Variants in MTMR9 observed in about 807,000 individuals in gnomAD.
The protein encoded by MTMR9 is myotubularin-related protein 9.
In MTMR9, 39 loss-of-function variants were observed where a neutral mutation model predicts 69.5. The ratio of observed to expected loss-of-function variants is 0.56; its 90% CI spans 0.43 to 0.73. The LOEUF (loss-of-function observed/expected upper bound fraction) is 0.73, where lower values mean the gene tolerates loss of function less well. Among genes scored for constraint, MTMR9 ranks in the 30% least tolerant of loss-of-function variants. MTMR9 has a pLI of 0.00. For synonymous variants in MTMR9, 354 were observed against 240.8 expected (o/e 1.47, Z -4.35); for missense variants, 900 against 671.2 (o/e 1.34, Z -3.77).
chr8:11,295,705 C>T (rs941262015), intron 2 of MTMR9, among the ~76,000 whole-genome samples: 3 of 152,202 alleles, frequency 2.0e-5, no homozygotes, highest in African/African-American at 7.2e-5. Context: ...ATTTTATGTT[C>T]ACTATACAAA....
In MTMR9 at chr8:11,307,786, C is replaced by A. The variant is rs139169123; in HGVS notation, c.809+1379C>A. On this transcript the variant is annotated intron_variant, in intron 5 of 9. Coordinates refer to ENST00000221086, the MANE Select transcript of MTMR9 (RefSeq NM_015458.4). The stretch of plus-strand genomic sequence containing the variant: ...CTCATTGTGGTTTTGAATTTCATTT[C>A]TCTGTTGATGAGTGATGCAGAGCAT... Among the ~76,000 whole-genome samples the A allele has an allele frequency of 3.9e-3, 591 of 152,156 alleles. 5 individuals carry two copies. The highest frequency in any genetic ancestry group is 0.013 in the African/African-American group (555 of 41,510).
Position 11,309,583 on chromosome 8 carries a change from C to G in MTMR9, c.866C>G (p.Thr289Arg), listed in dbSNP as rs749025752. ...CTTGTGGAAGCTTGTAATGACCAAA[C>G]ACATAACATGGACCGATGGCTCAGT... ...IKLVEACNDQ[T>R]HNMDRWLSKL... The change falls in exon 6 of 10, where the codon ACA becomes AGA. Residue 289 changes from threonine to arginine, a missense_variant. Physicochemically the swap from Thr to Arg is moderately conservative, Grantham distance 71. Transcript: ENST00000221086. 3.1e-6 allele frequency: 5 copies of G among 1,613,876 alleles called. No individual in the cohort carries two copies. Among genetic ancestry groups the G allele is most frequent in the African/African-American group, 1.3e-5 (1 of 75,020 alleles).
chr8:11,306,312 C>T lies in MTMR9; in HGVS notation c.714C>T (p.Ser238=), dbSNP rs1434151799. The change falls in exon 5 of 10, where the codon TCC becomes TCT. Residue 238 remains serine, a synonymous_variant. Coordinates refer to ENST00000221086, the MANE Select transcript of MTMR9 (RefSeq NM_015458.4). ...GTGGCTACATCATTGACACCCGATC[C>T]CTGAACGTGGCTCAGCAAACTAGAG... ...GKRGYIIDTR[S]LNVAQQTRAK... 3 of 1,614,066 alleles carry T rather than the reference C, an allele frequency of 1.9e-6. No individual in the cohort carries two copies. Among genetic ancestry groups the T allele is most frequent in the Non-Finnish European group, 2.5e-6 (3 of 1,179,964 alleles).
chr8:11,319,640 G>T (rs1314562923), intron 8 of MTMR9, 47 bp from the exon 9 acceptor site: 1 of 1,598,722 alleles, frequency 6.3e-7, no homozygotes, highest in Non-Finnish European at 8.6e-7. Flanking sequence ...CTCAATAATG[G>T]TTGTTATAAA....
At chr8:11,321,406 A>G (rs924266860) in intron 9 of MTMR9, 3 of 456,220 alleles carry the variant, frequency 6.6e-6, no homozygotes, top group African/African-American at 4.0e-5. Context: ...GTCACATTTA[A>G]TAACTGAAAT....
intron 1 of MTMR9, among the ~76,000 whole-genome samples, chr8:11,287,580 G>C (rs933775651): frequency 6.6e-6 from 1 of 150,676 alleles, no homozygotes; most frequent in Non-Finnish European, 1.5e-5. Context: ...TGAGCTGTGC[G>C]GCTGCAGTGG....
intron 5 of MTMR9, among the ~76,000 whole-genome samples, chr8:11,308,631 A>G (rs1407544409): frequency 6.6e-6 from 1 of 152,136 alleles, no homozygotes; most frequent in African/African-American, 2.4e-5. Context: ...CAATTTGTTA[A>G]TGTGTAATTG....
At chr8:11,331,912 G>A (rs574356744), downstream of MTMR9, 65 of 1,612,048 alleles carry the variant, frequency 4.0e-5, no homozygotes, top group South Asian at 6.6e-4. Flanking sequence ...TCCTTCACAT[G>A]TGTGGGCTAT....
Position 11,285,078 on chromosome 8 carries a change from C to A in MTMR9, c.182+8C>A. On this transcript the variant is annotated splice_region_variant and intron_variant, in intron 1 of 9. Transcript: ENST00000221086. ...CGACGCCATCGACAAGCGGTGAGTG[C>A]CCGCCCCACCCCAGCTCCGCAGGGA... 1 of 1,565,892 alleles carries A rather than the reference C, an allele frequency of 6.4e-7. No individual in the cohort carries two copies. The highest frequency in any genetic ancestry group is 8.7e-7 in the Non-Finnish European group (1 of 1,151,942).
In MTMR9 at chr8:11,320,988, G is replaced by A. The variant is rs148781820; in HGVS notation, c.1486+1150G>A. On this transcript the variant is annotated intron_variant, in intron 9 of 9. Transcript: ENST00000221086. ...TGTTATACTCTCAAAGGCAGTTCAC[G>A]TGTGGAAAACTATTTGCCCTTTGTG... The A allele has an allele frequency of 1.5e-3, 244 of 159,568 alleles. 4 individuals carry two copies. The highest frequency in any genetic ancestry group is 5.6e-4 in the South Asian group (3 of 5,404). 9.9% of individuals were successfully genotyped at this position (159,568 alleles called of 1,614,324 possible). A position where few individuals can be genotyped will look rare whatever the true frequency, so the allele number is the denominator to read the frequency against.
downstream of MTMR9, chr8:11,331,325 C>T (rs974900404): frequency 1.5e-5 from 25 of 1,613,978 alleles, no homozygotes; most frequent in Non-Finnish European, 1.9e-5. Flanking sequence ...TGGAGCTGCT[C>T]ATCTGTCGAT....
chr8:11,298,962 C>A, intron 2 of MTMR9: 2 of 724,278 alleles, frequency 2.8e-6, no homozygotes, highest in Non-Finnish European at 3.4e-6. Context: ...GATACATGAC[C>A]AAATGGCATA....
intron 4 of MTMR9, among the ~76,000 whole-genome samples, chr8:11,305,373 A>G (rs1435498367): frequency 6.6e-6 from 1 of 152,214 alleles, no homozygotes; most frequent in African/African-American, 2.4e-5. Flanking sequence ...AATTTTTCTT[A>G]ACAACTTTAC....
chr8:11,337,652 C>A, the MTMR9 span, among the ~76,000 whole-genome samples: 1 of 152,194 alleles, frequency 6.6e-6, no homozygotes, highest in African/African-American at 2.4e-5. Flanking sequence ...AGCCCTGGGG[C>A]AAAACTGTGA....
Position 11,306,361 on chromosome 8 carries a change from G to A in MTMR9, c.763G>A (p.Glu255Lys). The change falls in exon 5 of 10, where the codon GAA (glutamate) becomes AAA (lysine). Residue 255 changes from glutamate to lysine, a missense_variant. Transcript: ENST00000221086. ...TRAKGGGFEQEAHYPQWRRIH... is the reference protein window; with the variant it reads ...TRAKGGGFEQKAHYPQWRRIH... ...AGCCAAAGGAGGTGGCTTTGAACAAGAAGCTCATTATCCTCAGTGGAGGCG... is the reference window on the plus strand; with the variant it reads ...AGCCAAAGGAGGTGGCTTTGAACAAAAAGCTCATTATCCTCAGTGGAGGCG... 6.2e-7 allele frequency: 1 copy of A among 1,614,058 alleles called. No homozygotes were observed. Among genetic ancestry groups the A allele is most frequent in the African/African-American group, 1.3e-5 (1 of 75,044 alleles).
intron 1 of MTMR9, among the ~76,000 whole-genome samples, chr8:11,287,906 C>G (rs1563262926): frequency 8.2e-6 from 1 of 121,948 alleles, no homozygotes; most frequent in African/African-American, 3.2e-5. Flanking sequence ...TTATATATAA[C>G]ATAATATGTA....
At chr8:11,299,694 A>T (rs1799683520) in intron 2 of MTMR9, among the ~76,000 whole-genome samples, 1 of 152,228 alleles carries the variant, frequency 6.6e-6, no homozygotes, top group Middle Eastern at 3.2e-3. Flanking sequence ...AGAAATACTT[A>T]GACCTTTTTA....
At chr8:11,302,009 C>G (rs1299087880) in intron 3 of MTMR9, among the ~76,000 whole-genome samples, 1 of 151,900 alleles carries the variant, frequency 6.6e-6, no homozygotes, top group Non-Finnish European at 1.5e-5. Context: ...ATAATCCTAG[C>G]ACTTAAGGAG....
intron 1 of MTMR9, 53 bp from the exon 2 acceptor site, chr8:11,295,141 A>G: frequency 1.1e-6 from 1 of 917,306 alleles, no homozygotes; most frequent in Non-Finnish European, 1.7e-6. Context: ...ATAATAATAT[A>G]TTTAAAGTTA....
Sources: allele counts gnomAD v4.1 joint callset (sites outside exome capture counted in the v4.1 genomes callset), GRCh38; gene constraint gnomAD v4.1.1; transcripts MANE v1.5; gene names NCBI Gene and HGNC (gene_info 2026-07-23, HGNC 2026-07-21).